The following PRR5 variants were observed in gnomAD, a reference collection of about 807,000 sequenced individuals.
PRR5 encodes proline rich 5, also known as proline-rich protein 5.
In PRR5, 25 loss-of-function variants were observed where a neutral mutation model predicts 30.6. The ratio of observed to expected loss-of-function variants is 0.82; its 90% CI spans 0.60 to 1.14. PRR5 has a LOEUF of 1.14. PRR5 is among the 50% of genes most tolerant of loss of function. The pLI is 0.00. For synonymous variants in PRR5, 286 were observed against 247.1 expected (o/e 1.16, Z -1.48); for missense variants, 600 against 547.1 (o/e 1.10, Z -0.96).
chr22:44,726,351 C>T (rs1049831768), intron 3 of PRR5, among the ~76,000 whole-genome samples: 3 of 152,224 alleles, frequency 2.0e-5, no homozygotes, highest in Admixed American at 6.5e-5. Flanking sequence ...TCGGGATGTC[C>T]GTGTGACCAC....
At chr22:44,732,780 C>T (rs1922303971) in intron 6 of PRR5, among the ~76,000 whole-genome samples, 1 of 106,384 alleles carries the variant, frequency 9.4e-6, no homozygotes, top group South Asian at 2.6e-4. Flanking sequence ...TGCCTGTGTG[C>T]ACGCACATAC....
Position 44,708,936 on chromosome 22 carries a change from C to T in PRR5, c.135-5655C>T, listed in dbSNP as rs796388455. ...GAGCTAAGATCGTGCTGTTGCACTC[C>T]AGCCTGGGGGACAGAGTGAGACTCT... On this transcript the variant is annotated intron_variant, in intron 1 of 7. Transcript: ENST00000336985. 4.8e-4 allele frequency among the ~76,000 whole-genome samples: 64 copies of T among 132,978 alleles called. 1 individual carries two copies. The highest frequency in any genetic ancestry group is 1.8e-3 in the African/African-American group (64 of 35,310). The allele number at this position is 132,978 out of a possible 152,430, so 87.2% of individuals were successfully genotyped here. A position where few individuals can be genotyped will look rare whatever the true frequency, so the allele number is the denominator to read the frequency against.
At chr22:44,680,569 C>T (rs1924183411) in intron 1 of PRR5, among the ~76,000 whole-genome samples, 1 of 152,192 alleles carries the variant, frequency 6.6e-6, no homozygotes, top group Non-Finnish European at 1.5e-5. Flanking sequence ...CACAGCAGGA[C>T]TCGCCAGCCT....
upstream of PRR5, among the ~76,000 whole-genome samples, chr22:44,673,233 G>T (rs1923526961): frequency 6.6e-6 from 1 of 152,218 alleles, no homozygotes; most frequent in Admixed American, 6.5e-5. Flanking sequence ...TTCTGGCCCT[G>T]GTTCCACTGC....
intron 2 of PRR5, among the ~76,000 whole-genome samples, chr22:44,718,164 AT>A (rs1238821930): frequency 2.7e-5 from 4 of 146,018 alleles, no homozygotes; most frequent in African/African-American, 1.0e-4. Context: ...GTGTGCAAGA[AT>A]TTGTGTGGAT....
chr22:44,729,861 AC>A (rs1569107401), intron 4 of PRR5: 5 of 985,164 alleles, frequency 5.1e-6, no homozygotes, highest in African/African-American at 1.7e-5. Flanking sequence ...GCCCAGAGCC[AC>A]CCCCCGGCCA....
At chr22:44,731,265 G>A (rs1921906490) in intron 4 of PRR5, 1 of 264,466 alleles carries the variant, frequency 3.8e-6, no homozygotes, top group East Asian at 9.6e-5. Flanking sequence ...CCTGATGCAG[G>A]TCTCACCTGT....
intron 2 of PRR5, among the ~76,000 whole-genome samples, chr22:44,720,110 C>T (rs533510185): frequency 4.6e-5 from 7 of 152,200 alleles, no homozygotes; most frequent in African/African-American, 1.7e-4. Flanking sequence ...TCCTAGCATG[C>T]CTGGGGCTGG....
intron 5 of PRR5, 59 bp from the exon 6 acceptor site, chr22:44,732,192 A>G (rs1297176880): frequency 3.1e-6 from 5 of 1,589,048 alleles, no homozygotes; most frequent in Non-Finnish European, 4.3e-6. Flanking sequence ...GGACCGGGAG[A>G]GGGGAGATGA....
intron 1 of PRR5, among the ~76,000 whole-genome samples, chr22:44,669,369 C>T (rs1923291112): frequency 6.6e-6 from 1 of 152,236 alleles, no homozygotes; most frequent in Non-Finnish European, 1.5e-5. Flanking sequence ...CCTCCAGCCA[C>T]TTCCTGGCTG....
intron 1 of PRR5, among the ~76,000 whole-genome samples, chr22:44,695,063 CAG>C (rs1384415065): frequency 1.3e-5 from 2 of 152,068 alleles, no homozygotes; most frequent in East Asian, 1.9e-4. Context: ...CCCAGCTACT[CAG>C]GGGACTGAGG....
Position 44,705,027 on chromosome 22 carries a change from C to G in PRR5, c.134+2419C>G, listed in dbSNP as rs139308432. ...GGCGTGTCATTCTGCAGGGCCTGGCCGTGTACTCCTCATTATGAGTCCAAG... is the reference window on the plus strand; with the variant it reads ...GGCGTGTCATTCTGCAGGGCCTGGCGGTGTACTCCTCATTATGAGTCCAAG... On this transcript the variant is annotated intron_variant, in intron 1 of 7. Transcript: ENST00000336985. Among the ~76,000 whole-genome samples the G allele has an allele frequency of 4.0e-3, 605 of 152,276 alleles. 5 individuals are homozygous for G. Among genetic ancestry groups the G allele is most frequent in the Non-Finnish European group, 6.2e-3 (425 of 68,018 alleles).
chr22:44,710,314 G>C lies in PRR5; in HGVS notation c.135-4277G>C, dbSNP rs1460163763. Among the ~76,000 whole-genome samples, 5 of 152,046 alleles carry C rather than the reference G, an allele frequency of 3.3e-5. No homozygotes were observed. The East Asian group carries it at 5.8e-4, about 18-fold the overall frequency. On this transcript the variant is annotated intron_variant, in intron 1 of 7. Transcript: ENST00000336985. ...CCCCCCCAGCGCTCAGGAGGGGCTG[G>C]CCCCCCTGCTGGGACTTGGCCTCAG...
At position 44,727,572 on chromosome 22, in the gene PRR5, G is replaced by A. The variant is rs1026646293; in HGVS notation, c.322+938G>A. Among the ~76,000 whole-genome samples the A allele has an allele frequency of 5.2e-4, 79 of 152,304 alleles. 2 individuals carry two copies. The highest frequency in any genetic ancestry group is 3.3e-4 in the Admixed American group (5 of 15,298). On this transcript the variant is annotated intron_variant, in intron 4 of 7. Transcript: ENST00000336985. ...TGAATGAATGGGGAAAGTGAGGCACGGTGTCCTGCCCAGGCCACACAGCTG... is the reference window on the plus strand; with the variant it reads ...TGAATGAATGGGGAAAGTGAGGCACAGTGTCCTGCCCAGGCCACACAGCTG...
chr22:44,670,842 G>A (rs963040325), intron 1 of PRR5, among the ~76,000 whole-genome samples: 2 of 152,130 alleles, frequency 1.3e-5, no homozygotes, highest in African/African-American at 4.8e-5. Flanking sequence ...GGTGGGTGAC[G>A]AGAAGGAAAG....
chr22:44,732,891 A>G (rs1055721364), intron 6 of PRR5, among the ~76,000 whole-genome samples: 2 of 144,532 alleles, frequency 1.4e-5, no homozygotes, highest in African/African-American at 5.3e-5. Context: ...CACACACCAC[A>G]CACGTGCACA....
At chr22:44,705,188 C>A (rs769198873) in intron 1 of PRR5, among the ~76,000 whole-genome samples, 1 of 152,138 alleles carries the variant, frequency 6.6e-6, no homozygotes, top group Non-Finnish European at 1.5e-5. Flanking sequence ...GTCCAGGTGT[C>A]GCTCCCACCA....
chr22:44,708,922 G>A (rs1016916231), intron 1 of PRR5, among the ~76,000 whole-genome samples: 6 of 141,538 alleles, frequency 4.2e-5, no homozygotes, highest in South Asian at 2.3e-4. Flanking sequence ...AGCTAAGATC[G>A]TGCTGTTGCA....
At chr22:44,699,420 G>A (rs1398003471), upstream of PRR5, among the ~76,000 whole-genome samples, 1 of 152,250 alleles carries the variant, frequency 6.6e-6, no homozygotes, top group Non-Finnish European at 1.5e-5. Flanking sequence ...CATCCCATCC[G>A]GATCCCTGGC....
Sources: gnomAD v4.1 joint callset for allele counts (sites outside exome capture counted in the v4.1 genomes callset) on GRCh38, gnomAD v4.1.1 for gene constraint, MANE v1.5 for transcripts, NCBI Gene and HGNC (gene_info 2026-07-23, HGNC 2026-07-21) for gene names.